KCNQ5: variants seen among roughly 807,000 people sequenced by gnomAD.
The protein encoded by KCNQ5 is potassium voltage-gated channel subfamily Q member 5, also known as potassium voltage-gated channel subfamily KQT member 5.
KCNQ5 carries 30 observed loss-of-function variants against 98.2 expected under a neutral mutation model. That is an observed-to-expected ratio of 0.31 (90% CI 0.23 to 0.41). The LOEUF is 0.41. Among genes scored for constraint, KCNQ5 ranks in the 10% least tolerant of loss-of-function variants. KCNQ5 has a pLI of 1.00. For synonymous variants in KCNQ5, 458 were observed against 449.4 expected (o/e 1.02, Z -0.24); for missense variants, 835 against 1,182.5 (o/e 0.71, Z 4.31).
At chr6:72,893,627 A>G (rs919453330) in intron 1 of KCNQ5, among the ~76,000 whole-genome samples, 1 of 152,224 alleles carries the variant, frequency 6.6e-6, no homozygotes, top group Non-Finnish European at 1.5e-5. Context: ...TATCCTTTGT[A>G]TATGAATTTG....
chr6:72,719,149 T>C (rs1045119232), intron 1 of KCNQ5, among the ~76,000 whole-genome samples: 2 of 152,222 alleles, frequency 1.3e-5, no homozygotes, highest in Admixed American at 6.5e-5. Context: ...AATTCTAATC[T>C]TGCCCTGAAC....
chr6:72,789,345 A>G (rs1463862078), intron 1 of KCNQ5, among the ~76,000 whole-genome samples: 1 of 152,194 alleles, frequency 6.6e-6, no homozygotes, highest in Non-Finnish European at 1.5e-5. Context: ...TGTTTAACAT[A>G]TGAGATGAAA....
intron 2 of KCNQ5, among the ~76,000 whole-genome samples, chr6:73,005,100 C>A (rs1192085416): frequency 1.3e-5 from 2 of 152,132 alleles, no homozygotes; most frequent in African/African-American, 4.8e-5. Flanking sequence ...CATTTTGAAT[C>A]TGTAATAAAT....
chr6:72,693,650 C>T lies in KCNQ5; in HGVS notation c.398+71063C>T, dbSNP rs117274634. 1.8e-3 allele frequency among the ~76,000 whole-genome samples: 267 copies of T among 152,232 alleles called. 2 individuals carry two copies. The highest frequency in any genetic ancestry group is 2.9e-3 in the Non-Finnish European group (194 of 68,010). On this transcript the variant is annotated intron_variant, in intron 1 of 13. Coordinates refer to ENST00000370398, the MANE Select transcript of KCNQ5 (RefSeq NM_019842.4). Reference sequence around the variant, plus strand: ...GCTATTACTGGTTGTTTAAATTGTACCACCATAGGTCAAAACTCCACCTAA... The same window carrying T: ...GCTATTACTGGTTGTTTAAATTGTATCACCATAGGTCAAAACTCCACCTAA...
At chr6:73,143,742 C>T (rs117962903) in intron 10 of KCNQ5, among the ~76,000 whole-genome samples, 1 of 152,202 alleles carries the variant, frequency 6.6e-6, no homozygotes, top group African/African-American at 2.4e-5. Flanking sequence ...CCCCAAAGAA[C>T]TTACTGTTTG....
chr6:72,785,812 A>C (rs970890555), intron 1 of KCNQ5, among the ~76,000 whole-genome samples: 3 of 152,104 alleles, frequency 2.0e-5, no homozygotes, highest in African/African-American at 7.2e-5. Context: ...GCTTGCTTGG[A>C]GTCTATTGTA....
chr6:72,911,009 G>C (rs1486963313), intron 1 of KCNQ5, among the ~76,000 whole-genome samples: 1 of 152,176 alleles, frequency 6.6e-6, no homozygotes, highest in Non-Finnish European at 1.5e-5. Context: ...ATGAAGCCCA[G>C]GTCAGGCTGT....
chr6:73,146,966 T>C (rs1040783403), intron 10 of KCNQ5, among the ~76,000 whole-genome samples: 1 of 152,232 alleles, frequency 6.6e-6, no homozygotes, highest in African/African-American at 2.4e-5. Context: ...CTTTGTTTTC[T>C]ATTGGGATAC....
intron 1 of KCNQ5, among the ~76,000 whole-genome samples, chr6:72,909,685 C>G (rs1779845743): frequency 6.6e-6 from 1 of 152,094 alleles, no homozygotes; most frequent in Non-Finnish European, 1.5e-5. Context: ...AAGATAAGAC[C>G]CTCACTCATC....
At chr6:72,660,031 C>A (rs866458462) in intron 1 of KCNQ5, among the ~76,000 whole-genome samples, 8 of 152,254 alleles carry the variant, frequency 5.3e-5, no homozygotes, top group Middle Eastern at 3.4e-3. Flanking sequence ...CTGTTTTCAA[C>A]ACTGAAGCCA....
chr6:72,982,082 G>A (rs1768489537), intron 1 of KCNQ5, among the ~76,000 whole-genome samples: 1 of 152,124 alleles, frequency 6.6e-6, no homozygotes, highest in Admixed American at 6.5e-5. Flanking sequence ...CAACTCTGTG[G>A]TCAATTTTGG....
At chr6:73,128,132 C>G (rs1280705920) in intron 9 of KCNQ5, among the ~76,000 whole-genome samples, 1 of 152,194 alleles carries the variant, frequency 6.6e-6, no homozygotes, top group Admixed American at 6.5e-5. Flanking sequence ...TATAGCTCAA[C>G]TGAGCAATAG....
chr6:72,726,208 A>AT (rs371004096), intron 1 of KCNQ5, among the ~76,000 whole-genome samples: 401 of 142,034 alleles, frequency 2.8e-3, no homozygotes, highest in Admixed American at 6.3e-3. Flanking sequence ...TTAAATTTAA[A>AT]TTTTTTTTTT....
chr6:73,108,977 T>C (rs1775117612), intron 6 of KCNQ5, among the ~76,000 whole-genome samples: 1 of 152,220 alleles, frequency 6.6e-6, no homozygotes, highest in Non-Finnish European at 1.5e-5. Context: ...GGATGACATA[T>C]ATGTTCAAAG....
intron 11 of KCNQ5, among the ~76,000 whole-genome samples, chr6:73,184,410 G>C (rs985789350): frequency 6.6e-6 from 1 of 152,168 alleles, no homozygotes; most frequent in Non-Finnish European, 1.5e-5. Flanking sequence ...TGCTCTTTCT[G>C]AAATGTGCCT....
chr6:73,138,536 T>C (rs1402861556), intron 10 of KCNQ5, among the ~76,000 whole-genome samples: 1 of 152,244 alleles, frequency 6.6e-6, no homozygotes, highest in Non-Finnish European at 1.5e-5. Context: ...GTAATTAGCA[T>C]GTTCGTTCCA....
chr6:73,001,714 G>T (rs1386647236), intron 1 of KCNQ5, among the ~76,000 whole-genome samples: 1 of 152,134 alleles, frequency 6.6e-6, no homozygotes, highest in Non-Finnish European at 1.5e-5. Flanking sequence ...AGTAATCCCT[G>T]TATTTTACTT....
In KCNQ5 at chr6:72,912,147, A is replaced by C. The variant is rs117912587; in HGVS notation, c.399-91761A>C. Among the ~76,000 whole-genome samples, 115 of 152,242 alleles carry C rather than the reference A, an allele frequency of 7.6e-4. No homozygotes were observed. The East Asian group carries it at 0.019, about 25-fold the overall frequency. ...CTTAATCAATGCCATTGTCATCCCA[A>C]ATGTTGGCAGATCAAGCTTGGATAG... On this transcript the variant is annotated intron_variant, in intron 1 of 13. Transcript: ENST00000370398.
intron 1 of KCNQ5, among the ~76,000 whole-genome samples, chr6:72,980,570 T>C (rs1333161449): frequency 6.6e-6 from 1 of 152,190 alleles, no homozygotes; most frequent in Non-Finnish European, 1.5e-5. Context: ...AAGGAGATTT[T>C]GGGCTGAGAG....
Sources: allele counts gnomAD v4.1 joint callset (sites outside exome capture counted in the v4.1 genomes callset), GRCh38; gene constraint gnomAD v4.1.1; transcripts MANE v1.5; gene names NCBI Gene and HGNC (gene_info 2026-07-23, HGNC 2026-07-21).